The following MKLN1 variants were observed in gnomAD, a reference collection of about 807,000 sequenced individuals.
The protein encoded by MKLN1 is muskelin.
In MKLN1, 18 loss-of-function variants were observed where a neutral mutation model predicts 99.0. The ratio of observed to expected loss-of-function variants is 0.18; its 90% CI spans 0.13 to 0.27. MKLN1 has a LOEUF of 0.27. Among genes scored for constraint, MKLN1 ranks in the 10% least tolerant of loss-of-function variants. MKLN1 has a pLI of 1.00. For synonymous variants in MKLN1, 288 were observed against 293.2 expected, an observed-to-expected ratio of 0.98 and a Z score of 0.18; for missense variants, 621 against 875.9, an observed-to-expected ratio of 0.71 and a Z score of 3.67.
intron 1 of MKLN1, among the ~76,000 whole-genome samples, chr7:131,120,374 A>AAAAC (rs948031947): frequency 2.0e-5 from 3 of 147,690 alleles, no homozygotes; most frequent in Admixed American, 6.7e-5. Context: ...AAAATACAAA[A>AAAAC]AAACAAACAA....
At position 131,495,953 on chromosome 7, in the gene MKLN1, C is replaced by A. The variant is rs914677530; in HGVS notation, c.*8225C>A. ...TTTAATATGGCCATAATTAAACTCA[C>A]ACTCAAAAAGGATGAGCTATTGTCA... On this transcript the variant is annotated 3_prime_UTR_variant, in exon 18 of 18. Transcript: ENST00000352689. 1.1e-4 allele frequency: 16 copies of A among 152,208 alleles called. No individual in the cohort carries two copies. Among genetic ancestry groups the A allele is most frequent in the African/African-American group, 3.9e-4 (16 of 41,546 alleles). The allele number at this position is 152,208 out of a possible 1,614,324, so 9.4% of individuals were successfully genotyped here.
At chr7:131,392,576 TGA>T (rs1794226365) in intron 4 of MKLN1, among the ~76,000 whole-genome samples, 1 of 151,992 alleles carries the variant, frequency 6.6e-6, no homozygotes, top group African/African-American at 2.4e-5. Context: ...TAGTTAATCT[TGA>T]ATTTTTAGGA....
intron 1 of MKLN1, among the ~76,000 whole-genome samples, chr7:131,330,123 A>G (rs961892824): frequency 6.6e-6 from 1 of 152,206 alleles, no homozygotes; most frequent in African/African-American, 2.4e-5. Context: ...CTGAACTTCT[A>G]TAAGCAAGCA....
intron 2 of MKLN1, among the ~76,000 whole-genome samples, chr7:131,377,296 G>T (rs895841585): frequency 3.3e-5 from 5 of 152,110 alleles, no homozygotes; most frequent in African/African-American, 1.2e-4. Context: ...CCTCTTAATG[G>T]TTGTTTATGG....
At chr7:131,256,188 G>T (rs889884835) in intron 3 of MKLN1, among the ~76,000 whole-genome samples, 1 of 152,146 alleles carries the variant, frequency 6.6e-6, no homozygotes, top group African/African-American at 2.4e-5. Flanking sequence ...TTATAGGTGT[G>T]AGCCACCATT....
chr7:131,260,268 C>T (rs1797713675), intron 3 of MKLN1, among the ~76,000 whole-genome samples: 1 of 152,024 alleles, frequency 6.6e-6, no homozygotes, highest in African/African-American at 2.4e-5. Flanking sequence ...TGGTCTTGAA[C>T]TCCTGAGCTC....
At chr7:131,456,869 T>A (rs1030628022) in intron 12 of MKLN1, among the ~76,000 whole-genome samples, 5 of 152,010 alleles carry the variant, frequency 3.3e-5, no homozygotes, top group African/African-American at 1.2e-4. Flanking sequence ...AAAGAAGAGC[T>A]GATTCCCTGA....
intron 1 of MKLN1, among the ~76,000 whole-genome samples, chr7:131,131,818 G>A (rs1012908819): frequency 2.0e-5 from 3 of 152,166 alleles, no homozygotes; most frequent in African/African-American, 7.2e-5. Context: ...CAAAGAAAAG[G>A]AAGGCAAGAA....
intron 1 of MKLN1, among the ~76,000 whole-genome samples, chr7:131,360,396 T>G (rs1304393726): frequency 6.6e-6 from 1 of 152,222 alleles, no homozygotes; most frequent in Non-Finnish European, 1.5e-5. Flanking sequence ...CTTCTCTGAT[T>G]TAAAATGGAC....
chr7:131,476,499 C>G (rs1454402676), intron 16 of MKLN1, among the ~76,000 whole-genome samples: 1 of 152,000 alleles, frequency 6.6e-6, no homozygotes, highest in Non-Finnish European at 1.5e-5. Context: ...AATTTTTATA[C>G]TAGCAGTGAA....
chr7:131,202,406 T>C (rs1301188719), intron 2 of MKLN1, among the ~76,000 whole-genome samples: 2 of 152,002 alleles, frequency 1.3e-5, no homozygotes, highest in African/African-American at 2.4e-5. Context: ...TGAGCCACCA[T>C]GCCCTGCCAA....
intron 2 of MKLN1, among the ~76,000 whole-genome samples, chr7:131,166,332 C>T (rs1796123957): frequency 6.6e-6 from 1 of 152,120 alleles, no homozygotes; most frequent in South Asian, 2.1e-4. Flanking sequence ...GCACATTTAG[C>T]CCATTCCGAA....
At chr7:131,274,738 T>C (rs1348651772) in intron 3 of MKLN1, among the ~76,000 whole-genome samples, 1 of 151,484 alleles carries the variant, frequency 6.6e-6, no homozygotes, top group Non-Finnish European at 1.5e-5. Context: ...TCTTAAGCAG[T>C]GGCTTTGAAA....
At chr7:131,330,620 TGCACAAAGGTATATATA>T (rs1740736603) in intron 1 of MKLN1, among the ~76,000 whole-genome samples, 1 of 152,176 alleles carries the variant, frequency 6.6e-6, no homozygotes, top group South Asian at 2.1e-4. Flanking sequence ...TTACTGCTTC[TGCACAAAGGTATATATA>T]GTACAGGAAA....
At chr7:131,478,894 C>A in intron 17 of MKLN1, 1 of 589,622 alleles carries the variant, frequency 1.7e-6, no homozygotes. Context: ...ATACCAATTG[C>A]TGTGTTAGTA....
intron 6 of MKLN1, among the ~76,000 whole-genome samples, chr7:131,410,401 A>G (rs866379908): frequency 1.3e-5 from 2 of 152,336 alleles, no homozygotes; most frequent in African/African-American, 2.4e-5. Flanking sequence ...GAGATGAGAC[A>G]GCATAAATTC....
chr7:131,379,678 CTA>C (rs907559286), intron 2 of MKLN1, among the ~76,000 whole-genome samples: 1 of 152,146 alleles, frequency 6.6e-6, no homozygotes, highest in Non-Finnish European at 1.5e-5. Context: ...TCAATAATAA[CTA>C]TATATTTTTA....
In MKLN1 at chr7:131,487,829, C is replaced by A; in HGVS notation, c.*101C>A. On this transcript the variant is annotated 3_prime_UTR_variant, in exon 18 of 18. Coordinates refer to ENST00000352689, the MANE Select transcript of MKLN1 (RefSeq NM_013255.5). This position sits in a 1 kb window ranked among gnomAD's most constrained non-coding sequence, Gnocchi z 4.7. ...ACAGTAAAGCTGCAGTGATTGAGGA[C>A]TGCACCAGAGTTCTGAAGGGATCTT... 1 of 1,408,312 alleles carries A rather than the reference C, an allele frequency of 7.1e-7. No individual in the cohort carries two copies. Among genetic ancestry groups the A allele is most frequent in the Non-Finnish European group, 9.7e-7 (1 of 1,035,176 alleles). 87.2% of individuals were successfully genotyped at this position (1,408,312 alleles called of 1,614,324 possible).
chr7:131,361,594 T>G (rs968576790), intron 1 of MKLN1, among the ~76,000 whole-genome samples: 30 of 151,308 alleles, frequency 2.0e-4, no homozygotes, highest in African/African-American at 6.0e-4. Flanking sequence ...TTTCTGGCTT[T>G]CTTTTTTTTT....
Sources: gnomAD v4.1 joint callset for allele counts (sites outside exome capture counted in the v4.1 genomes callset) on GRCh38, gnomAD v4.1.1 for gene constraint, Gnocchi (gnomAD v3.1) non-coding constraint, MANE v1.5 for transcripts, NCBI Gene and HGNC (gene_info 2026-07-23, HGNC 2026-07-21) for gene names.